ZNF320: variants seen among roughly 807,000 people sequenced by gnomAD.
The protein encoded by ZNF320 is zinc finger gene 320.
ZNF320 carries 2 observed loss-of-function variants against 6.8 expected under a neutral mutation model. The ratio of observed to expected loss-of-function variants is 0.29; its 90% confidence interval spans 0.12 to 0.93. ZNF320 has a LOEUF of 0.93. Among genes scored for constraint, ZNF320 ranks in the 40% least tolerant of loss-of-function variants. ZNF320 has a pLI of 0.55. For synonymous variants in ZNF320, 208 were observed against 203.2 expected, an observed-to-expected ratio of 1.02 and a Z score of -0.20; for missense variants, 472 against 611.0, an observed-to-expected ratio of 0.77 and a Z score of 2.40.
rs1398152183 is a variant in ZNF320 at position 52,881,214 on chromosome 19, A to G, written c.912T>C (p.Asn304=). 1.9e-6 allele frequency: 3 copies of G among 1,614,168 alleles called. No individual in the cohort carries two copies. Among genetic ancestry groups the G allele is most frequent in the Admixed American group, 1.7e-5 (1 of 60,022 alleles). ...GTTGCTTAAAAACCTTGCCACATTCATTACACTTATAGGGTTTCTCTGCAG... is the reference window on the plus strand; with the variant it reads ...GTTGCTTAAAAACCTTGCCACATTCGTTACACTTATAGGGTTTCTCTGCAG... ...VHTAEKPYKC[N]ECGKVFKQRA... Residue 304 remains asparagine, a synonymous_variant, in exon 6 of 6, where the codon AAT becomes AAC. Transcript: ENST00000682928.
chr19:52,894,677 T>C (rs889368659), intron 1 of ZNF320, among the ~76,000 whole-genome samples: 1 of 151,704 alleles, frequency 6.6e-6, no homozygotes, highest in Admixed American at 6.6e-5. Context: ...ATTGAGACCA[T>C]CCTGGTCCAC....
At chr19:52,899,687 T>G (rs2064565287), upstream of ZNF320, among the ~76,000 whole-genome samples, 1 of 152,178 alleles carries the variant, frequency 6.6e-6, no homozygotes, top group Admixed American at 6.5e-5. Flanking sequence ...GGTCTTGATC[T>G]CCTGACTTTG....
intron 5 of ZNF320, among the ~76,000 whole-genome samples, chr19:52,886,487 A>G (rs2064082120): frequency 6.6e-6 from 1 of 152,182 alleles, no homozygotes; most frequent in Admixed American, 6.6e-5. Flanking sequence ...GATGTTTAAC[A>G]TACCTGCAAC....
At position 52,881,987 on chromosome 19, in the gene ZNF320, C is replaced by T; in HGVS notation, c.143-4G>A. ...ATCATGCATTTGGAAGAGATATCTA[C>T]AAAATATAAACACCAATAGGTTTCC... On this transcript the variant is annotated splice_region_variant and splice_polypyrimidine_tract_variant and intron_variant, in intron 5 of 5. Transcript: ENST00000682928. The T allele has an allele frequency of 6.2e-7, 1 of 1,603,474 alleles. No individual in the cohort carries two copies. The highest frequency in any genetic ancestry group is 8.5e-7 in the Non-Finnish European group (1 of 1,176,016).
At chr19:52,871,728 A>G (rs373697091), downstream of ZNF320, among the ~76,000 whole-genome samples, 41 of 152,306 alleles carry the variant, frequency 2.7e-4, no homozygotes, top group South Asian at 2.9e-3. Context: ...CTAGGTGCTT[A>G]AAACACTGAA....
Position 52,880,621 on chromosome 19 carries a change from T to A in ZNF320, c.1505A>T (p.Tyr502Phe), listed in dbSNP as rs971112204. 1 of 1,611,132 alleles carries A rather than the reference T, an allele frequency of 6.2e-7. No homozygotes were observed. The highest frequency in any genetic ancestry group is 8.5e-7 in the Non-Finnish European group (1 of 1,178,620). The change falls in exon 6 of 6, where the codon TAT becomes TTT. Residue 502 changes from tyrosine to phenylalanine, a missense_variant. By Grantham distance (22) the Tyr-to-Phe change is conservative (BLOSUM62 3). Coordinates refer to ENST00000682928, the MANE Select transcript of ZNF320 (RefSeq NM_001351774.2). Reference sequence around the variant, plus strand: ...TCAATTAATGCTTGATGGTTTGCTATACTCATTGCACTTGAAACAATTGTC... The same window carrying A: ...TCAATTAATGCTTGATGGTTTGCTAAACTCATTGCACTTGAAACAATTGTC... ...FGDNCFKCNE[Y>F]SKPSSIN
At chr19:52,900,157 C>T (rs147805900), upstream of ZNF320, among the ~76,000 whole-genome samples, 814 of 152,194 alleles carry the variant, frequency 5.3e-3, 8 homozygotes, top group African/African-American at 0.019. Flanking sequence ...TGGTGGGGGC[C>T]GTCTAGTCCT....
In ZNF320 at chr19:52,881,763, A is replaced by C. The variant is rs1368357833; in HGVS notation, c.363T>G (p.Ser121Arg). 2.5e-6 allele frequency: 4 copies of C among 1,613,904 alleles called. No homozygotes were observed. The highest frequency in any genetic ancestry group is 3.4e-6 in the Non-Finnish European group (4 of 1,179,852). The change falls in exon 6 of 6, where the codon AGT (serine) becomes AGG (arginine). Residue 121 changes from serine (S) to arginine (R), a missense_variant. By Grantham distance (110) the Ser-to-Arg change is moderately radical. This residue lies in a region of ZNF320 where 462 missense variants were observed against 559.7 expected (regional missense o/e 0.83). Coordinates refer to ENST00000682928, the MANE Select transcript of ZNF320 (RefSeq NM_001351774.2). Reference protein sequence around the residue: ...APMTEIKKLTSSTDRYDQRHA... With the variant: ...APMTEIKKLTRSTDRYDQRHA... ...GCCTTTGATCATATCGGTCTGTACT[A>C]CTAGTCAACTTTTTTATTTCTGTCA...
rs35010241 is a variant in ZNF320 at position 52,870,477 on chromosome 19, C to CAA, written c.223+3513_223+3514dup. Among the ~76,000 whole-genome samples the CAA allele has an allele frequency of 7.3e-4, 65 of 89,412 alleles. 1 individual carries two copies. The Middle Eastern group carries it at 0.022, about 30-fold the overall frequency. The allele number at this position is 89,412 out of a possible 152,430, so 58.7% of individuals were successfully genotyped here. A position where few individuals can be genotyped will look rare whatever the true frequency, so the allele number is the denominator to read the frequency against. On this transcript the variant is annotated intron_variant, in intron 5 of 5. Transcript: ENST00000673631. ...TGGGCAACAGAGCCAGACTCCGTCT[C>CAA]AAAAAAAAAAAAAAAAAAGAAAAAT...
chr19:52,890,112 G>A (rs2064238712), intron 4 of ZNF320, 129 bp downstream of exon 4: 2 of 1,405,804 alleles, frequency 1.4e-6, no homozygotes. Context: ...GGGACTGAGG[G>A]AAGGCATGGG....
intron 5 of ZNF320, among the ~76,000 whole-genome samples, chr19:52,865,138 G>A (rs1186710206): frequency 6.6e-6 from 1 of 151,938 alleles, no homozygotes; most frequent in Non-Finnish European, 1.5e-5. Flanking sequence ...CCTGGTCAAA[G>A]TGATGAAACA....
At chr19:52,897,130 T>A (rs568984495) in intron 1 of ZNF320, among the ~76,000 whole-genome samples, 1 of 151,878 alleles carries the variant, frequency 6.6e-6, no homozygotes, top group South Asian at 2.1e-4. Flanking sequence ...CTCTGTGGAG[T>A]GCTTTCTTGA....
chr19:52,868,735 G>A (rs1259444467), intron 5 of ZNF320, among the ~76,000 whole-genome samples: 1 of 152,098 alleles, frequency 6.6e-6, no homozygotes, highest in Non-Finnish European at 1.5e-5. Context: ...AAGGAGAACA[G>A]AATGAAATAC....
At chr19:52,885,610 G>A (rs2064051293) in intron 5 of ZNF320, among the ~76,000 whole-genome samples, 1 of 151,996 alleles carries the variant, frequency 6.6e-6, no homozygotes, top group South Asian at 2.1e-4. Context: ...CAGCTACTCA[G>A]GAGGCTGAGG....
In ZNF320 at chr19:52,878,072, T is replaced by G; in HGVS notation, c.*2524A>C. 5.2e-6 allele frequency: 1 copy of G among 191,294 alleles called. No individual in the cohort carries two copies. The highest frequency in any genetic ancestry group is 1.1e-4 in the South Asian group (1 of 9,374). 11.8% of individuals were successfully genotyped at this position (191,294 alleles called of 1,614,324 possible). A position where few individuals can be genotyped will look rare whatever the true frequency, so the allele number is the denominator to read the frequency against. ...CAACTCTCCAGATAGTGGTGACATT[T>G]TCAGCTTGATATGGTAACGTGACTG... On this transcript the variant is annotated 3_prime_UTR_variant, in exon 6 of 6. Coordinates refer to ENST00000682928, the MANE Select transcript of ZNF320 (RefSeq NM_001351774.2).
chr19:52,900,170 TGGAATTCCGG>T, upstream of ZNF320, among the ~76,000 whole-genome samples: 1 of 152,194 alleles, frequency 6.6e-6, no homozygotes, highest in Non-Finnish European at 1.5e-5. Flanking sequence ...CTAGTCCTGG[TGGAATTCCGG>T]GTGGGCCTCA....
intron 5 of ZNF320, among the ~76,000 whole-genome samples, chr19:52,864,929 T>C (rs1447629943): frequency 6.6e-6 from 1 of 151,002 alleles, no homozygotes; most frequent in Non-Finnish European, 1.5e-5. Context: ...AGAAGAATGG[T>C]GTGAACCTGG....
chr19:52,865,648 T>TATATATGATTATACATATATATTA, intron 5 of ZNF320, among the ~76,000 whole-genome samples: 1 of 128,436 alleles, frequency 7.8e-6, no homozygotes, highest in African/African-American at 3.1e-5. Flanking sequence ...CATATATATT[T>TATATATGATTATACATATATATTA]ATATATGATT....
chr19:52,865,617 A>C (rs1474250227), intron 5 of ZNF320, among the ~76,000 whole-genome samples: 1 of 120,676 alleles, frequency 8.3e-6, no homozygotes, highest in African/African-American at 3.4e-5. Flanking sequence ...GATTATACAT[A>C]TATATTTATA....
Sources: allele counts gnomAD v4.1 joint callset (sites outside exome capture counted in the v4.1 genomes callset), GRCh38; gene constraint gnomAD v4.1.1; regional missense constraint gnomAD v4.1.1; transcripts MANE v1.5; gene names NCBI Gene and HGNC (gene_info 2026-07-23, HGNC 2026-07-21).